The following MTTP variants were observed in gnomAD, a reference collection of about 807,000 sequenced individuals.
The protein encoded by MTTP is microsomal triglyceride transfer protein, also known as microsomal triglyceride transfer protein large subunit.
A neutral mutation model predicts 90.6 loss-of-function variants in MTTP; 49 were observed. The ratio of observed to expected loss-of-function variants is 0.54; its 90% confidence interval spans 0.43 to 0.69. The LOEUF (loss-of-function observed/expected upper bound fraction) is 0.69. Among genes scored for constraint, MTTP ranks in the 30% least tolerant of loss-of-function variants. MTTP has a pLI of 0.00. For synonymous variants in MTTP, 347 were observed against 384.2 expected (o/e 0.90, Z 1.13); for missense variants, 945 against 1,067.5 (o/e 0.89, Z 1.60).
In MTTP at chr4:99,611,233, C is replaced by A. The variant is rs879027339; in HGVS notation, c.1860C>A (p.Tyr620Ter). The A allele has an allele frequency of 6.2e-7, 1 of 1,613,912 alleles. No individual in the cohort carries two copies. The highest frequency in any genetic ancestry group is 8.5e-7 in the Non-Finnish European group (1 of 1,179,800). Residue 620 changes from tyrosine (Y) to a stop codon, truncating the protein, a stop_gained, in exon 13 of 18, where the codon TAC becomes TAA. Transcript: ENST00000265517. LOFTEE classifies it high-confidence loss of function. ...GATCTTCTTCTGCCTACACTGGCTACATAGAACGTATGTACACCAAAAAGA... is the reference window on the plus strand; with the variant it reads ...GATCTTCTTCTGCCTACACTGGCTAAATAGAACGTATGTACACCAAAAAGA... ...RSGSSSAYTGYIERSPRSAST... is the reference protein window; with the variant it reads ...RSGSSSAYTG
intron 1 of MTTP, among the ~76,000 whole-genome samples, chr4:99,569,151 C>T (rs1272699367): frequency 1.3e-5 from 2 of 152,034 alleles, no homozygotes; most frequent in African/African-American, 4.8e-5. Flanking sequence ...TATTATGTAC[C>T]TCTGATGTAA....
At chr4:99,576,062 C>G (rs1220582218) in intron 1 of MTTP, among the ~76,000 whole-genome samples, 1 of 152,140 alleles carries the variant, frequency 6.6e-6, no homozygotes, top group South Asian at 2.1e-4. Flanking sequence ...CAGCAAATCA[C>G]ACTGTAGGTT....
At chr4:99,608,200 AC>A (rs1725865001) in intron 11 of MTTP, among the ~76,000 whole-genome samples, 1 of 152,014 alleles carries the variant, frequency 6.6e-6, no homozygotes, top group African/African-American at 2.4e-5. Flanking sequence ...TAATCCCAAC[AC>A]TTTGGAAGGC....
chr4:99,580,574 CAAAA>C (rs563138284), intron 1 of MTTP, among the ~76,000 whole-genome samples: 32 of 39,896 alleles, frequency 8.0e-4, no homozygotes, highest in South Asian at 3.3e-3. Flanking sequence ...GACTCTGTCT[CAAAA>C]AAAAAAAAAA....
chr4:99,623,172 C>A lies in MTTP; in HGVS notation c.*324C>A. 2.8e-6 allele frequency: 1 copy of A among 357,214 alleles called. No homozygotes were observed. The highest frequency in any genetic ancestry group is 9.5e-4 in the Middle Eastern group (1 of 1,052). 22.1% of individuals were successfully genotyped at this position (357,214 alleles called of 1,614,324 possible). The stretch of plus-strand genomic sequence containing the variant: ...GTTAAAAACAAAAATAAAAACAAAA[C>A]CACACAAGGAGAACCCAATTTTGTT... On this transcript the variant is annotated 3_prime_UTR_variant, in exon 18 of 18. Transcript: ENST00000265517.
Position 99,622,769 on chromosome 4 carries a change from C to T in MTTP, c.2606C>T (p.Pro869Leu), listed in dbSNP as rs764748157. The stretch of plus-strand genomic sequence containing the variant: ...AGCGTATTAGCAGGATGTGAATTCC[C>T]GCTCCATCAAGAGAACTCAGAGATG... ...KESVLAGCEF[P>L]LHQENSEMCK... The change falls in exon 18 of 18, where the codon CCG becomes CTG. Residue 869 changes from proline (P) to leucine (L), a missense_variant. Physicochemically the swap from Pro to Leu is moderately conservative, Grantham distance 98. Transcript: ENST00000265517. 3.1e-6 allele frequency: 5 copies of T among 1,613,954 alleles called. No individual in the cohort carries two copies. The highest frequency in any genetic ancestry group is 1.7e-5 in the Admixed American group (1 of 60,016).
chr4:99,603,483 G>T (rs1725744041), intron 10 of MTTP, among the ~76,000 whole-genome samples: 1 of 152,140 alleles, frequency 6.6e-6, no homozygotes, highest in Non-Finnish European at 1.5e-5. Context: ...ATTAGTAAAG[G>T]TCTGAATTAA....
At chr4:99,618,041 A>G (rs1238974936) in intron 15 of MTTP, among the ~76,000 whole-genome samples, 1 of 146,180 alleles carries the variant, frequency 6.8e-6, no homozygotes, top group Non-Finnish European at 1.5e-5. Flanking sequence ...ATATTTGGAA[A>G]AAAAACACCA....
At position 99,608,877 on chromosome 4, in the gene MTTP, G is replaced by C; in HGVS notation, c.1669G>C (p.Val557Leu). 6.2e-7 allele frequency: 1 copy of C among 1,614,126 alleles called. No individual in the cohort carries two copies. Among genetic ancestry groups the C allele is most frequent in the Non-Finnish European group, 8.5e-7 (1 of 1,179,992 alleles). The part of the protein sequence containing the change: ...ILNNNPSYMD[V>L]KNILLSIGEL... ...AAATAACAATCCATCCTACATGGAC[G>C]TCAAGAACATCCTGCTGTCTATTGG... The change falls in exon 12 of 18, where the codon GTC becomes CTC. Residue 557 changes from valine to leucine, a missense_variant. By Grantham distance (32) the Val-to-Leu change is conservative. Coordinates refer to ENST00000265517, the MANE Select transcript of MTTP (RefSeq NM_001386140.1).
intron 8 of MTTP, among the ~76,000 whole-genome samples, chr4:99,599,752 TTATC>T (rs776518153): frequency 5.3e-5 from 8 of 152,184 alleles, no homozygotes; most frequent in Non-Finnish European, 1.0e-4. Flanking sequence ...TGTCTTCTAG[TTATC>T]TAAGCTTAAT....
At chr4:99,602,584 A>G (rs1725724210) in intron 10 of MTTP, among the ~76,000 whole-genome samples, 1 of 152,162 alleles carries the variant, frequency 6.6e-6, no homozygotes, top group Non-Finnish European at 1.5e-5. Context: ...AGGCAAGCCA[A>G]AACTAGAATA....
At chr4:99,586,717 T>G (rs1161097261) in intron 3 of MTTP, among the ~76,000 whole-genome samples, 1 of 152,120 alleles carries the variant, frequency 6.6e-6, no homozygotes, top group African/African-American at 2.4e-5. Flanking sequence ...TTAATGGAAT[T>G]TAGTCTCCTC....
chr4:99,589,531 C>G, intron 3 of MTTP, 112 bp from the exon 4 acceptor site: 1 of 716,028 alleles, frequency 1.4e-6, no homozygotes, highest in Non-Finnish European at 2.5e-6. Flanking sequence ...TGTCAGATCT[C>G]TTTCTCCCAG....
At chr4:99,596,077 A>C (rs1725545372) in intron 7 of MTTP, among the ~76,000 whole-genome samples, 1 of 152,104 alleles carries the variant, frequency 6.6e-6, no homozygotes, top group Non-Finnish European at 1.5e-5. Context: ...ATTCATATTG[A>C]TATGCTCTCT....
Position 99,597,168 on chromosome 4 carries a change from G to T in MTTP, c.1011G>T (p.Arg337Ser). Residue 337 changes from arginine to serine, a missense_variant, in exon 8 of 18, where the codon AGG becomes AGT. By Grantham distance (110) the Arg-to-Ser change is moderately radical. Transcript: ENST00000265517. Reference sequence around the variant, plus strand: ...TCCTGGCCTTCATTCAGCACCTCAGGACTGCGAAGAAAGAAGAGATCCTTC... The same window carrying T: ...TCCTGGCCTTCATTCAGCACCTCAGTACTGCGAAGAAAGAAGAGATCCTTC... ...RNFLAFIQHL[R>S]TAKKEEILQI... The T allele has an allele frequency of 6.2e-7, 1 of 1,613,932 alleles. No homozygotes were observed. Among genetic ancestry groups the T allele is most frequent in the Non-Finnish European group, 8.5e-7 (1 of 1,179,908 alleles).
chr4:99,586,649 T>TA (rs1725265817), intron 3 of MTTP, among the ~76,000 whole-genome samples: 1 of 152,156 alleles, frequency 6.6e-6, no homozygotes, highest in Admixed American at 6.6e-5. Flanking sequence ...ATATCAAAGA[T>TA]AAAATTACTA....
At position 99,591,234 on chromosome 4, in the gene MTTP, G is replaced by C. The variant is rs1449774712; in HGVS notation, c.502-1G>C. 2 of 1,595,790 alleles carry C rather than the reference G, an allele frequency of 1.3e-6. No homozygotes were observed. Among genetic ancestry groups the C allele is most frequent in the Admixed American group, 1.7e-5 (1 of 59,968 alleles). On this transcript the variant is annotated splice_acceptor_variant, in intron 4 of 17. Coordinates refer to ENST00000265517, the MANE Select transcript of MTTP (RefSeq NM_001386140.1). LOFTEE classifies it high-confidence loss of function. ...CATTATGCCCTTGCCTTTCTTTTTA[G>C]GTAGATATCTCTGGAAATTGTAAAG...
intron 1 of MTTP, among the ~76,000 whole-genome samples, chr4:99,567,556 G>T (rs888534057): frequency 6.6e-6 from 1 of 152,196 alleles, no homozygotes; most frequent in Non-Finnish European, 1.5e-5. Flanking sequence ...TCTAAGCTCA[G>T]CTAAGTGTGA....
chr4:99,597,446 C>T (rs528073981), intron 8 of MTTP, among the ~76,000 whole-genome samples: 11 of 152,276 alleles, frequency 7.2e-5, no homozygotes, highest in African/African-American at 2.6e-4. Context: ...TAGGAATAAA[C>T]ATGTTGTTGT....
Sources: allele counts gnomAD v4.1 joint callset (sites outside exome capture counted in the v4.1 genomes callset), GRCh38; gene constraint gnomAD v4.1.1; transcripts MANE v1.5; gene names NCBI Gene and HGNC (gene_info 2026-07-23, HGNC 2026-07-21).